Variants in DCDC1 observed in about 807,000 individuals in gnomAD.
The protein encoded by DCDC1 is doublecortin domain containing 1.
DCDC1 carries 200 observed loss-of-function variants against 178.3 expected under a neutral mutation model. That is an observed-to-expected ratio of 1.12 (90% CI 1.00 to 1.26). The LOEUF (loss-of-function observed/expected upper bound fraction) is 1.26, where lower values mean the gene tolerates loss of function less well. DCDC1 is among the 50% of genes most tolerant of loss of function. The probability of loss-of-function intolerance (pLI) is 0.00; values close to 1 mark genes in which losing one functional copy is unlikely to be tolerated. For synonymous variants in DCDC1, 690 were observed against 604.8 expected (o/e 1.14, Z -2.07); for missense variants, 1,983 against 1,749.2 (o/e 1.13, Z -2.38).
At chr11:30,890,293 A>G (rs957423428) in intron 36 of DCDC1, among the ~76,000 whole-genome samples, 1 of 152,228 alleles carries the variant, frequency 6.6e-6, no homozygotes, top group Non-Finnish European at 1.5e-5. Context: ...GGTCACATCT[A>G]TCTCTTCCAA....
At chr11:30,943,518 A>AT (rs2134407198) in intron 21 of DCDC1, 1 of 364,510 alleles carries the variant, frequency 2.7e-6, no homozygotes, top group African/African-American at 2.1e-5. Flanking sequence ...AAAATCGTAC[A>AT]TCTTTTTAAT....
At chr11:30,992,263 T>C (rs1398311264) in intron 20 of DCDC1, among the ~76,000 whole-genome samples, 1 of 152,178 alleles carries the variant, frequency 6.6e-6, no homozygotes, top group Non-Finnish European at 1.5e-5. Flanking sequence ...GAATCCTACT[T>C]TCCAAATAAC....
intron 9 of DCDC1, among the ~76,000 whole-genome samples, chr11:31,230,548 G>T (rs989419686): frequency 1.3e-5 from 2 of 152,074 alleles, no homozygotes; most frequent in African/African-American, 4.8e-5. Flanking sequence ...AGAGCATCCA[G>T]CATCAGCTAC....
At chr11:31,058,068 A>G (rs1211229296) in intron 20 of DCDC1, among the ~76,000 whole-genome samples, 1 of 152,196 alleles carries the variant, frequency 6.6e-6, no homozygotes, top group Non-Finnish European at 1.5e-5. Flanking sequence ...TTTAGAACAT[A>G]GAACATGCTC....
chr11:31,152,601 C>G (rs1425963056), intron 9 of DCDC1, among the ~76,000 whole-genome samples: 1 of 152,206 alleles, frequency 6.6e-6, no homozygotes, highest in Non-Finnish European at 1.5e-5. Flanking sequence ...TCTGTCATCT[C>G]CTTTGTGTCA....
intron 38 of DCDC1, among the ~76,000 whole-genome samples, chr11:30,877,435 T>C (rs943340658): frequency 6.6e-6 from 1 of 152,228 alleles, no homozygotes; most frequent in Non-Finnish European, 1.5e-5. Flanking sequence ...ATTTTTTTAA[T>C]GGTTCTGTCT....
chr11:31,199,115 C>T (rs988738846), intron 9 of DCDC1, among the ~76,000 whole-genome samples: 1 of 151,864 alleles, frequency 6.6e-6, no homozygotes, highest in African/African-American at 2.4e-5. Context: ...ATCCCAAAAT[C>T]CAATTTTAAT....
intron 3 of DCDC1, among the ~76,000 whole-genome samples, chr11:31,326,486 T>C (rs552528293): frequency 2.6e-5 from 4 of 152,224 alleles, no homozygotes; most frequent in Non-Finnish European, 5.9e-5. Flanking sequence ...AAAATATGTG[T>C]AAGTACACAT....
chr11:30,922,021 C>T (rs1424888375), intron 24 of DCDC1, among the ~76,000 whole-genome samples: 1 of 152,090 alleles, frequency 6.6e-6, no homozygotes, highest in African/African-American at 2.4e-5. Context: ...AGGTAGCACA[C>T]CCACCCAGAG....
intron 10 of DCDC1, among the ~76,000 whole-genome samples, chr11:31,136,581 T>C (rs1963159428): frequency 6.6e-6 from 1 of 152,116 alleles, no homozygotes; most frequent in South Asian, 2.1e-4. Flanking sequence ...CTTGAATGCA[T>C]TTATTTACCA....
chr11:31,344,762 T>C (rs1269579573), intron 1 of DCDC1, among the ~76,000 whole-genome samples: 2 of 152,212 alleles, frequency 1.3e-5, no homozygotes, highest in African/African-American at 4.8e-5. Context: ...GCCTTCTATA[T>C]ATAGGCACTT....
intron 15 of DCDC1, among the ~76,000 whole-genome samples, chr11:31,096,391 C>T (rs1280086176): frequency 6.6e-6 from 1 of 152,190 alleles, no homozygotes; most frequent in African/African-American, 2.4e-5. Flanking sequence ...CAAAACTCCC[C>T]TCTGCAACTG....
At chr11:31,014,110 C>T (rs774855236) in intron 20 of DCDC1, among the ~76,000 whole-genome samples, 8 of 152,224 alleles carry the variant, frequency 5.3e-5, no homozygotes, top group South Asian at 4.1e-4. Context: ...AGAAATTAGG[C>T]TTAAATGAGG....
In DCDC1 at chr11:30,864,981, C is replaced by G. The variant is rs1940857126; in HGVS notation, c.*392G>C. On this transcript the variant is annotated 3_prime_UTR_variant, in exon 39 of 39. Coordinates refer to ENST00000684477, the MANE Select transcript of DCDC1 (RefSeq NM_001387274.1). ...TTTATTTTTTATTTTTTATTTTTTG[C>G]AGAGGCCTCCACTTTTTATTTCAGT... 6.6e-6 allele frequency: 1 copy of G among 151,726 alleles called. No individual in the cohort carries two copies. The highest frequency in any genetic ancestry group is 1.5e-5 in the Non-Finnish European group (1 of 67,964). The allele number at this position is 151,726 out of a possible 1,614,324, so 9.4% of individuals were successfully genotyped here.
intron 16 of DCDC1, among the ~76,000 whole-genome samples, 156 bp from the exon 17 acceptor site, chr11:31,091,667 C>T (rs763114802): frequency 1.1e-4 from 17 of 152,134 alleles, no homozygotes; most frequent in Non-Finnish European, 1.9e-4. Flanking sequence ...TAGCAGTCAG[C>T]GAGCCCTGCT....
At chr11:31,282,813 A>T (rs556741646) in intron 7 of DCDC1, among the ~76,000 whole-genome samples, 9 of 152,226 alleles carry the variant, frequency 5.9e-5, no homozygotes, top group East Asian at 1.9e-4. Context: ...GATTTTTTTT[A>T]AAGATATTTT....
chr11:31,213,075 G>C (rs759868224), intron 9 of DCDC1, among the ~76,000 whole-genome samples: 15 of 142,018 alleles, frequency 1.1e-4, no homozygotes, highest in Non-Finnish European at 2.3e-4. Context: ...TGGTGAAACT[G>C]TGTCATCTTC....
At chr11:30,891,653 C>G (rs1197679974) in intron 36 of DCDC1, among the ~76,000 whole-genome samples, 2 of 152,162 alleles carry the variant, frequency 1.3e-5, no homozygotes, top group African/African-American at 4.8e-5. Context: ...CTAGGTAGCT[C>G]TCTTCTGAAA....
At chr11:31,330,741 T>A (rs1949932840) in intron 2 of DCDC1, among the ~76,000 whole-genome samples, 1 of 152,220 alleles carries the variant, frequency 6.6e-6, no homozygotes, top group African/African-American at 2.4e-5. Flanking sequence ...GCCTCTGTTC[T>A]GTTCCATTGG....
Sources: allele counts gnomAD v4.1 joint callset (sites outside exome capture counted in the v4.1 genomes callset), GRCh38; gene constraint gnomAD v4.1.1; transcripts MANE v1.5; gene names NCBI Gene and HGNC (gene_info 2026-07-23, HGNC 2026-07-21).